PLEKHA5: variants seen among roughly 807,000 people sequenced by gnomAD.
PLEKHA5 encodes pleckstrin homology domain-containing family A member 5.
In PLEKHA5, 55 loss-of-function variants were observed where a neutral mutation model predicts 181.9. That is an observed-to-expected ratio of 0.30 (90% CI 0.24 to 0.38). The LOEUF (loss-of-function observed/expected upper bound fraction) is 0.38, where lower values mean the gene tolerates loss of function less well. Among genes scored for constraint, PLEKHA5 ranks in the 10% least tolerant of loss-of-function variants. PLEKHA5 has a pLI of 1.00. For missense variants in PLEKHA5, 1,432 were observed against 1,549.5 expected (o/e 0.92, Z 1.27); for synonymous variants, 535 against 529.4 (o/e 1.01, Z -0.15).
intron 3 of PLEKHA5, chr12:19,150,480 A>C (rs10841159): frequency 0.9 from 136,949 of 152,194 alleles, 62,233 homozygotes; most frequent in Non-Finnish European, 0.97. Context: ...ATCACTGGTT[A>C]AAATTCTTAT....
chr12:19,348,419 C>T lies in PLEKHA5; in HGVS notation c.2919C>T (p.Tyr973=). Residue 973 remains tyrosine (Y), a synonymous_variant, in exon 25 of 32, where the codon TAC becomes TAT. Transcript: ENST00000429027. ...TCAAGGGTCCAGATTATAGACTCTACAAGAGTGAACCAGAGTTAACAACAG... is the reference window on the plus strand; with the variant it reads ...TCAAGGGTCCAGATTATAGACTCTATAAGAGTGAACCAGAGTTAACAACAG... ...GSHCGPDYRL[Y]KSEPELTTVA... is the part of the protein sequence containing the mutation. 1 of 1,584,944 alleles carries T rather than the reference C, an allele frequency of 6.3e-7. No homozygotes were observed. Among genetic ancestry groups the T allele is most frequent in the Non-Finnish European group, 8.6e-7 (1 of 1,167,954 alleles).
chr12:19,200,265 T>C, intron 3 of PLEKHA5: 2 of 1,205,832 alleles, frequency 1.7e-6, no homozygotes. Context: ...ATAGATATTA[T>C]GTACCAATAA....
intron 15 of PLEKHA5, among the ~76,000 whole-genome samples, chr12:19,300,869 T>C (rs2081280422): frequency 6.6e-6 from 1 of 151,530 alleles, no homozygotes; most frequent in African/African-American, 2.4e-5. Context: ...GTGCGGTGGC[T>C]CACACCTGTA....
In PLEKHA5 at chr12:19,290,864, A is replaced by G. The variant is rs1331151658; in HGVS notation, c.1983+68A>G. The G allele has an allele frequency of 7.2e-6, 10 of 1,396,498 alleles. No individual in the cohort carries two copies. In the Middle Eastern group the frequency reaches 7.3e-4, roughly 103 times the overall value. 86.5% of individuals were successfully genotyped at this position (1,396,498 alleles called of 1,614,324 possible). On this transcript the variant is annotated intron_variant, in intron 14 of 31. Transcript: ENST00000429027. ...CTTATTTTGAAACACTCATCAGTCA[A>G]TATGATCAGCATCATTAGTGTTGAG...
chr12:19,281,202 G>A (rs1382905714), intron 11 of PLEKHA5, among the ~76,000 whole-genome samples: 2 of 151,034 alleles, frequency 1.3e-5, no homozygotes, highest in Non-Finnish European at 3.0e-5. Context: ...ACTCCAGCCT[G>A]GGTGACAGAG....
At chr12:19,147,578 T>C (rs1278850398) in intron 3 of PLEKHA5, among the ~76,000 whole-genome samples, 1 of 141,132 alleles carries the variant, frequency 7.1e-6, no homozygotes, top group Non-Finnish European at 1.5e-5. Flanking sequence ...GAAAAAGATA[T>C]TTTGTAGTTT....
intron 25 of PLEKHA5, among the ~76,000 whole-genome samples, chr12:19,350,053 A>G (rs1445416657): frequency 2.6e-5 from 4 of 152,220 alleles, no homozygotes; most frequent in Non-Finnish European, 5.9e-5. Flanking sequence ...CAGAGGTTGC[A>G]GTGAGCCAAG....
chr12:19,278,651 T>C (rs998058520), intron 11 of PLEKHA5, among the ~76,000 whole-genome samples: 1 of 152,126 alleles, frequency 6.6e-6, no homozygotes, highest in East Asian at 1.9e-4. Flanking sequence ...CAGCTCTGGA[T>C]GTTTTCCAGT....
At chr12:19,360,996 C>T (rs889617496) in intron 28 of PLEKHA5, among the ~76,000 whole-genome samples, 5 of 152,130 alleles carry the variant, frequency 3.3e-5, no homozygotes, top group Non-Finnish European at 7.4e-5. Context: ...ACCTCGTGAT[C>T]TGCCCGCCTC....
At chr12:19,341,871 A>C (rs2093957752) in intron 21 of PLEKHA5, among the ~76,000 whole-genome samples, 1 of 151,962 alleles carries the variant, frequency 6.6e-6, no homozygotes, top group African/African-American at 2.4e-5. Context: ...AGCTGGGACC[A>C]CAGACATACA....
intron 12 of PLEKHA5, among the ~76,000 whole-genome samples, 196 bp downstream of exon 12, chr12:19,283,941 C>G (rs1260161309): frequency 1.3e-5 from 2 of 152,148 alleles, no homozygotes; most frequent in African/African-American, 4.8e-5. Context: ...AATTGCAACA[C>G]TTCATCTCTC....
chr12:19,265,906 G>A, intron 8 of PLEKHA5, 56 bp downstream of exon 8: 1 of 877,834 alleles, frequency 1.1e-6, no homozygotes, highest in Non-Finnish European at 1.9e-6. Context: ...TGGTTAAAAT[G>A]GATATTGAGC....
At chr12:19,296,239 GA>G (rs148595579) in intron 15 of PLEKHA5, among the ~76,000 whole-genome samples, 251 of 125,440 alleles carry the variant, frequency 2.0e-3, no homozygotes, top group Middle Eastern at 6.3e-3. Context: ...GACTCCGTCT[GA>G]AAAAAAAAAA....
chr12:19,290,157 T>G (rs956651580), intron 13 of PLEKHA5, among the ~76,000 whole-genome samples: 24 of 151,950 alleles, frequency 1.6e-4, no homozygotes, highest in Admixed American at 1.4e-3. Flanking sequence ...GGTCTCGAAC[T>G]TCTGACCTTG....
chr12:19,190,030 C>T (rs1252225466), intron 3 of PLEKHA5, among the ~76,000 whole-genome samples: 6 of 152,098 alleles, frequency 3.9e-5, no homozygotes, highest in Non-Finnish European at 5.9e-5. Flanking sequence ...TTACAACGTG[C>T]GCTTCTTCAT....
intron 3 of PLEKHA5, chr12:19,207,786 T>C (rs1321822704): frequency 3.9e-5 from 6 of 152,204 alleles, no homozygotes; most frequent in Admixed American, 6.5e-5. Flanking sequence ...TGAATTTCTA[T>C]ATTAAAATAT....
chr12:19,193,062 A>G (rs1424445542), intron 3 of PLEKHA5, among the ~76,000 whole-genome samples: 1 of 152,196 alleles, frequency 6.6e-6, no homozygotes, highest in African/African-American at 2.4e-5. Flanking sequence ...TCCTGTACAG[A>G]ATAAATTTGT....
chr12:19,192,439 T>C (rs955216898), intron 3 of PLEKHA5, among the ~76,000 whole-genome samples: 1 of 152,176 alleles, frequency 6.6e-6, no homozygotes, highest in Admixed American at 6.5e-5. Context: ...GGCTCACACC[T>C]ATAATCCCAG....
At chr12:19,300,454 A>G (rs1200603868) in intron 15 of PLEKHA5, among the ~76,000 whole-genome samples, 1 of 152,236 alleles carries the variant, frequency 6.6e-6, no homozygotes, top group Non-Finnish European at 1.5e-5. Flanking sequence ...TTACAAAATT[A>G]TAAAAGTAGC....
Sources: allele counts gnomAD v4.1 joint callset (sites outside exome capture counted in the v4.1 genomes callset), GRCh38; gene constraint gnomAD v4.1.1; transcripts MANE v1.5; gene names NCBI Gene and HGNC (gene_info 2026-07-23, HGNC 2026-07-21).